Variants in AOAH observed in about 807,000 individuals in gnomAD.
AOAH encodes acyloxyacyl hydrolase.
AOAH carries 64 observed loss-of-function variants against 92.2 expected under a neutral mutation model. That is an observed-to-expected ratio of 0.69 (90% CI 0.57 to 0.86). The LOEUF is 0.86. Among genes scored for constraint, AOAH ranks in the 40% least tolerant of loss-of-function variants. The pLI is 0.00. For synonymous variants in AOAH, 263 were observed against 254.5 expected (o/e 1.03, Z -0.32); for missense variants, 656 against 694.6 (o/e 0.94, Z 0.62).
intron 15 of AOAH, among the ~76,000 whole-genome samples, chr7:36,546,452 C>T (rs1210861812): frequency 1.3e-5 from 2 of 152,206 alleles, no homozygotes. Flanking sequence ...ACCACAGGGA[C>T]ATCCCATACT....
intron 13 of AOAH, among the ~76,000 whole-genome samples, chr7:36,574,116 AAAT>A (rs1197076033): frequency 2.0e-5 from 3 of 152,230 alleles, no homozygotes; most frequent in African/African-American, 7.2e-5. Flanking sequence ...CCAGAACATT[AAAT>A]AATGAGTAAC....
intron 11 of AOAH, among the ~76,000 whole-genome samples, chr7:36,613,918 A>G (rs2115924810): frequency 6.6e-6 from 1 of 152,254 alleles, no homozygotes; most frequent in South Asian, 2.1e-4. Context: ...GTGTTTCCCC[A>G]CTTGCTCATC....
At chr7:36,723,358 C>G (rs1368511024) in intron 1 of AOAH, among the ~76,000 whole-genome samples, 1 of 152,130 alleles carries the variant, frequency 6.6e-6, no homozygotes, top group African/African-American at 2.4e-5. Flanking sequence ...CAAAAAAAAC[C>G]TCTTGGAAAT....
intron 1 of AOAH, among the ~76,000 whole-genome samples, chr7:36,716,892 G>A (rs1348221329): frequency 6.6e-6 from 1 of 151,916 alleles, no homozygotes; most frequent in African/African-American, 2.4e-5. Context: ...GTTAATGGGT[G>A]CGGCACACCA....
chr7:36,591,670 T>C (rs1359753756), intron 12 of AOAH, among the ~76,000 whole-genome samples: 2 of 152,132 alleles, frequency 1.3e-5, no homozygotes, highest in South Asian at 4.1e-4. Flanking sequence ...GGATTTTACA[T>C]TGATAAGGGA....
chr7:36,533,678 C>CGTGT (rs5883560), intron 16 of AOAH, among the ~76,000 whole-genome samples: 6 of 149,190 alleles, frequency 4.0e-5, no homozygotes, highest in African/African-American at 9.8e-5. Context: ...ATTTTGTGTG[C>CGTGT]GTGTGTGTGT....
intron 11 of AOAH, among the ~76,000 whole-genome samples, chr7:36,605,650 C>T (rs1790945129): frequency 6.6e-6 from 1 of 152,156 alleles, no homozygotes; most frequent in Non-Finnish European, 1.5e-5. Context: ...TGGTGTTTGG[C>T]TTTTTACTTC....
chr7:36,594,627 C>A, intron 11 of AOAH, 197 bp from the exon 12 acceptor site: 1 of 649,754 alleles, frequency 1.5e-6, no homozygotes, highest in South Asian at 1.7e-5. Context: ...ATCAGCACCA[C>A]CCTTGACCTG....
intron 2 of AOAH, among the ~76,000 whole-genome samples, chr7:36,685,363 G>A (rs1007635760): frequency 3.3e-5 from 5 of 152,174 alleles, no homozygotes; most frequent in African/African-American, 1.2e-4. Context: ...AGCACATTGA[G>A]CTTTTTGCAG....
At chr7:36,640,188 G>A (rs10243890) in intron 4 of AOAH, among the ~76,000 whole-genome samples, 40,538 of 151,770 alleles carry the variant, frequency 0.27, 5,443 homozygotes, top group South Asian at 0.34. Context: ...GAGTCGAAGC[G>A]TCCAAGAGTG....
At chr7:36,707,307 A>G (rs1176616593) in intron 1 of AOAH, among the ~76,000 whole-genome samples, 2 of 152,082 alleles carry the variant, frequency 1.3e-5, no homozygotes, top group African/African-American at 4.8e-5. Flanking sequence ...CAGAACACAC[A>G]CATTTATCAA....
At chr7:36,681,700 C>G (rs1388470714) in intron 2 of AOAH, among the ~76,000 whole-genome samples, 1 of 152,100 alleles carries the variant, frequency 6.6e-6, no homozygotes, top group East Asian at 1.9e-4. Context: ...ACTCGGGAGG[C>G]TGAGGCAGGA....
intron 12 of AOAH, among the ~76,000 whole-genome samples, chr7:36,586,955 G>A (rs1562594747): frequency 6.6e-6 from 1 of 152,114 alleles, no homozygotes; most frequent in Non-Finnish European, 1.5e-5. Flanking sequence ...CTGTTACGAT[G>A]TTTTGGTGAG....
chr7:36,607,211 T>C (rs1239471021), intron 11 of AOAH, among the ~76,000 whole-genome samples: 1 of 152,096 alleles, frequency 6.6e-6, no homozygotes, highest in Non-Finnish European at 1.5e-5. Context: ...TTTTCTGCCT[T>C]ATAGGGAGAC....
chr7:36,540,244 G>T, intron 16 of AOAH, 75 bp downstream of exon 16: 1 of 1,353,832 alleles, frequency 7.4e-7, no homozygotes, highest in East Asian at 2.5e-5. Flanking sequence ...ATTTCTATAT[G>T]GTTTGAACCA....
intron 11 of AOAH, among the ~76,000 whole-genome samples, chr7:36,596,682 A>G (rs1004030784): frequency 1.3e-5 from 2 of 152,098 alleles, no homozygotes; most frequent in South Asian, 4.2e-4. Context: ...GCATGGAATA[A>G]ATGTTTTCAC....
Position 36,678,600 on chromosome 7 carries a change from T to TGTGTGTGTGTGTGTGTGCGC in AOAH, c.224-4592_224-4591insGCGCACACACACACACACAC, listed in dbSNP as rs549317369. 7.7e-3 allele frequency among the ~76,000 whole-genome samples: 1,008 copies of TGTGTGTGTGTGTGTGTGCGC among 130,730 alleles called. 16 individuals are homozygous for TGTGTGTGTGTGTGTGTGCGC. The highest frequency in any genetic ancestry group is 0.012 in the Non-Finnish European group (734 of 58,824). The allele number at this position is 130,730 out of a possible 152,430, so 85.8% of individuals were successfully genotyped here. A position where few individuals can be genotyped will look rare whatever the true frequency, so the allele number is the denominator to read the frequency against. On this transcript the variant is annotated intron_variant, in intron 2 of 20. Transcript: ENST00000617537. ...GTGTGTGTGTGTGTGTGTGTGTGTG[T>TGTGTGTGTGTGTGTGTGCGC]GCGCGCGCGCGCGCGTTAGAATTCT...
rs1339515608 is a variant in AOAH at position 36,549,548 on chromosome 7, TTGAC to T, written c.1022-77_1022-74del. The T allele has an allele frequency of 1.1e-5, 11 of 1,015,542 alleles. No individual in the cohort carries two copies. The African/African-American group carries it at 1.1e-4, about 10-fold the overall frequency. The allele number at this position is 1,015,542 out of a possible 1,614,324, so 62.9% of individuals were successfully genotyped here. ...TCACACTATCAATATGGGAGTCTGA[TTGAC>T]TGAACTCATGAAAGCGGCATTACTG... is the stretch of plus-strand genomic sequence containing the variant. On this transcript the variant is annotated intron_variant, in intron 13 of 20. Coordinates refer to ENST00000617537, the MANE Select transcript of AOAH (RefSeq NM_001637.4).
chr7:36,701,429 AT>A (rs1211176165), intron 1 of AOAH, among the ~76,000 whole-genome samples: 1 of 150,854 alleles, frequency 6.6e-6, no homozygotes, highest in Non-Finnish European at 1.5e-5. Flanking sequence ...CTCTTTCAGT[AT>A]TTGGGGGCTT....
Sources: gnomAD v4.1 joint callset for allele counts (sites outside exome capture counted in the v4.1 genomes callset) on GRCh38, gnomAD v4.1.1 for gene constraint, MANE v1.5 for transcripts, NCBI Gene and HGNC (gene_info 2026-07-23, HGNC 2026-07-21) for gene names.